The following KRT76 variants were observed in gnomAD, a reference collection of about 807,000 sequenced individuals.
KRT76 encodes keratin 76, also known as keratin, type II cytoskeletal 2 oral.
A neutral mutation model predicts 44.9 loss-of-function variants in KRT76; 47 were observed. The observed-to-expected ratio is 1.05, with a 90% CI of 0.83 to 1.33. The LOEUF (loss-of-function observed/expected upper bound fraction) is 1.33. Among genes scored for constraint, KRT76 ranks in the 40% most tolerant of loss-of-function variants. KRT76 has a pLI of 0.00. For synonymous variants in KRT76, 331 were observed against 294.1 expected (o/e 1.13, Z -1.28); for missense variants, 860 against 775.8 (o/e 1.11, Z -1.29).
chr12:52,768,621 C>T lies in KRT76; in HGVS notation c.*92G>A. On this transcript the variant is annotated 3_prime_UTR_variant, in exon 9 of 9. Coordinates refer to ENST00000332411, the MANE Select transcript of KRT76 (RefSeq NM_015848.4). ...GAACTTGAGGAAAAATGTGGTTGAC[C>T]CTTATGCATCTATTGATGCCAAGCA... 1 of 1,409,970 alleles carries T rather than the reference C, an allele frequency of 7.1e-7. No individual in the cohort carries two copies. Among genetic ancestry groups the T allele is most frequent in the African/African-American group, 1.4e-5 (1 of 70,120 alleles). The allele number at this position is 1,409,970 out of a possible 1,614,324, so 87.3% of individuals were successfully genotyped here.
chr12:52,777,313 G>T lies in KRT76; in HGVS notation c.-22C>A. On this transcript the variant is annotated 5_prime_UTR_variant, in exon 1 of 9. Transcript: ENST00000332411. The stretch of plus-strand genomic sequence containing the variant: ...TCATAGTGAGAGAGCTTGGAGGCAA[G>T]CTAGTGATCACTTAGCAAGAGCTGA... The T allele has an allele frequency of 6.2e-7, 1 of 1,613,310 alleles. No individual in the cohort carries two copies. The highest frequency in any genetic ancestry group is 8.5e-7 in the Non-Finnish European group (1 of 1,179,622).
chr12:52,775,613 G>A lies in KRT76; in HGVS notation c.601-11C>T. 1.2e-6 allele frequency: 2 copies of A among 1,611,464 alleles called. No individual in the cohort carries two copies. The highest frequency in any genetic ancestry group is 1.7e-6 in the Non-Finnish European group (2 of 1,178,838). Reference sequence around the variant, plus strand: ...TTCCAGGAACCGCACCTGCATGAAAGAGGGGAGAAAAGGAGTCAGCCCCTT... The same window carrying A: ...TTCCAGGAACCGCACCTGCATGAAAAAGGGGAGAAAAGGAGTCAGCCCCTT... On this transcript the variant is annotated splice_polypyrimidine_tract_variant and intron_variant, in intron 1 of 8. Transcript: ENST00000332411.
In KRT76 at chr12:52,771,132, G is replaced by A. The variant is rs918154586; in HGVS notation, c.1351C>T (p.Gln451Ter). Residue 451 changes from glutamine to a stop codon, truncating the protein, a stop_gained, in exon 7 of 9, where the codon CAG becomes TAG. Transcript: ENST00000332411. LOFTEE classifies it high-confidence loss of function. ...KDANAKLQDLQTALQKAKDDL... is the reference protein window; with the variant it reads ...KDANAKLQDL ...TCCTTAGCCTTCTGTAGGGCAGTCT[G>A]CAAGTCTTGGAGCTTGGCATTGGCG... The A allele has an allele frequency of 6.2e-6, 10 of 1,614,168 alleles. No individual in the cohort carries two copies. The highest frequency in any genetic ancestry group is 8.5e-6 in the Non-Finnish European group (10 of 1,180,038).
chr12:52,769,612 TTC>T (rs754181677), intron 7 of KRT76, 29 bp from the exon 8 acceptor site: 2 of 1,605,540 alleles, frequency 1.2e-6, no homozygotes, highest in African/African-American at 1.3e-5. Flanking sequence ...GGTGAATTCT[TTC>T]TGTTATGAGT....
In KRT76 at chr12:52,772,730, G is replaced by C. The variant is rs145218346; in HGVS notation, c.972+53C>G. 254 of 1,306,646 alleles carry C rather than the reference G, an allele frequency of 1.9e-4. No homozygotes were observed. The African/African-American group carries it at 3.2e-3, about 16-fold the overall frequency. The allele number at this position is 1,306,646 out of a possible 1,614,324, so 80.9% of individuals were successfully genotyped here. On this transcript the variant is annotated intron_variant, in intron 4 of 8. Transcript: ENST00000332411. The stretch of plus-strand genomic sequence containing the variant: ...CTGTTTGGCTGTCCCCTAAAGTTAT[G>C]CTTGGGAAGAATCAGACAGGAAGGT...
rs752856882 is a variant in KRT76, at chr12:52,776,821, T to G, written c.471A>C (p.Glu157Asp). ...GPGGFPGGIQEVIVNQSLLQP... is the reference protein window; with the variant it reads ...GPGGFPGGIQDVIVNQSLLQP... ...GCAGGAGACTCTGGTTTACAATCAC[T>G]TCCTGAATTCCCCCAGGAAAGCCCC... Residue 157 changes from glutamate to aspartate, a missense_variant, in exon 1 of 9, where the codon GAA becomes GAC. Transcript: ENST00000332411. 6.2e-7 allele frequency: 1 copy of G among 1,613,944 alleles called. No homozygotes were observed. The highest frequency in any genetic ancestry group is 1.7e-5 in the Admixed American group (1 of 60,002).
chr12:52,771,128 G>T lies in KRT76; in HGVS notation c.1355C>A (p.Thr452Asn), dbSNP rs995080722. 3.7e-6 allele frequency: 6 copies of T among 1,614,066 alleles called. No homozygotes were observed. The Admixed American group carries it at 6.7e-5, about 18-fold the overall frequency. The change falls in exon 7 of 9, where the codon ACT (threonine) becomes AAT (asparagine). Residue 452 changes from threonine to asparagine, a missense_variant. Thr to Asn is a moderately conservative substitution (Grantham distance 65). Coordinates refer to ENST00000332411, the MANE Select transcript of KRT76 (RefSeq NM_015848.4). ...GTCATCCTTAGCCTTCTGTAGGGCA[G>T]TCTGCAAGTCTTGGAGCTTGGCATT... ...DANAKLQDLQ[T>N]ALQKAKDDLA...
At chr12:52,776,637 C>T (rs1283592662) in intron 1 of KRT76, 55 bp downstream of exon 1, 11 of 1,612,128 alleles carry the variant, frequency 6.8e-6, no homozygotes, top group South Asian at 1.1e-5. Flanking sequence ...CATCTTTCTA[C>T]ACCGACCCCT....
At position 52,776,949 on chromosome 12, in the gene KRT76, C is replaced by T. The variant is rs778442055; in HGVS notation, c.343G>A (p.Gly115Ser). The T allele has an allele frequency of 2.5e-6, 4 of 1,613,902 alleles. No homozygotes were observed. In the South Asian group the frequency reaches 3.3e-5, roughly 13 times the overall value. ...CCAAAGCCACCAGCCCCTCCAAAACCACTACCTACTCCTCTGCCACCACCA... is the reference window on the plus strand; with the variant it reads ...CCAAAGCCACCAGCCCCTCCAAAACTACTACCTACTCCTCTGCCACCACCA... ...GFGGGRGVGS[G>S]FGGAGGFGGA... The change falls in exon 1 of 9, where the codon GGT (glycine) becomes AGT (serine). Residue 115 changes from glycine to serine, a missense_variant. Gly to Ser is a moderately conservative substitution (Grantham distance 56, BLOSUM62 0). Transcript: ENST00000332411.
chr12:52,775,727 A>T, intron 1 of KRT76, 125 bp from the exon 2 acceptor site: 1 of 717,944 alleles, frequency 1.4e-6, no homozygotes, highest in Non-Finnish European at 2.3e-6. Context: ...CTGTTTTTTA[A>T]TTTGGGAAGG....
At position 52,772,906 on chromosome 12, in the gene KRT76, A is replaced by G. The variant is rs189602650; in HGVS notation, c.877-28T>C. 3.1e-4 allele frequency: 485 copies of G among 1,540,716 alleles called. 7 individuals are homozygous for G. In the East Asian group the frequency reaches 5.6e-3, roughly 18 times the overall value. ...GCAGAGGAGGTCAGAAACCCAGAGAATGACCCTCTGTTCCCCTCCCACCCA... is the reference window on the plus strand; with the variant it reads ...GCAGAGGAGGTCAGAAACCCAGAGAGTGACCCTCTGTTCCCCTCCCACCCA... On this transcript the variant is annotated intron_variant, in intron 3 of 8. Coordinates refer to ENST00000332411, the MANE Select transcript of KRT76 (RefSeq NM_015848.4).
intron 7 of KRT76, among the ~76,000 whole-genome samples, chr12:52,770,612 T>C (rs1939164825): frequency 6.6e-6 from 1 of 152,166 alleles, no homozygotes; most frequent in Non-Finnish European, 1.5e-5. Context: ...GTTTCTCGGT[T>C]GCACTAGCCA....
intron 2 of KRT76, among the ~76,000 whole-genome samples, chr12:52,774,421 T>A (rs1939230121): frequency 6.6e-6 from 1 of 152,268 alleles, no homozygotes; most frequent in Admixed American, 6.5e-5. Context: ...TCTGTTTTCC[T>A]TCATTACAGT....
intron 3 of KRT76, 87 bp downstream of exon 3, chr12:52,773,495 G>C (rs1355399539): frequency 3.4e-6 from 3 of 891,670 alleles, no homozygotes; most frequent in Non-Finnish European, 5.4e-6. Context: ...TAAGGTCCCT[G>C]TGCCCCAGAA....
intron 7 of KRT76, among the ~76,000 whole-genome samples, chr12:52,770,761 G>A (rs938229168): frequency 6.6e-6 from 1 of 152,054 alleles, no homozygotes; most frequent in Non-Finnish European, 1.5e-5. Flanking sequence ...CTCATACATT[G>A]CACATAGTGA....
chr12:52,771,335 AT>A, intron 6 of KRT76, 116 bp from the exon 7 acceptor site: 1 of 983,694 alleles, frequency 1.0e-6, no homozygotes, highest in South Asian at 1.6e-5. Flanking sequence ...AGAAATCCCA[AT>A]GGAGCATGCT....
In KRT76 at chr12:52,769,541, C is replaced by T. The variant is rs1180957836; in HGVS notation, c.1519+8G>A. The T allele has an allele frequency of 3.7e-6, 6 of 1,612,988 alleles. No homozygotes were observed. The highest frequency in any genetic ancestry group is 4.2e-6 in the Non-Finnish European group (5 of 1,179,130). Reference sequence around the variant, plus strand: ...CCAGGGAGAGGGTTTTTTGAATGGGCTACTTACAAATGCACACGGCACTCT... The same window carrying T: ...CCAGGGAGAGGGTTTTTTGAATGGGTTACTTACAAATGCACACGGCACTCT... On this transcript the variant is annotated splice_region_variant and intron_variant, in intron 8 of 8. Coordinates refer to ENST00000332411, the MANE Select transcript of KRT76 (RefSeq NM_015848.4).
At position 52,772,859 on chromosome 12, in the gene KRT76, A is replaced by G. The variant is rs753788710; in HGVS notation, c.896T>C (p.Met299Thr). The change falls in exon 4 of 9, where the codon ATG becomes ACG. Residue 299 changes from methionine to threonine, a missense_variant. Transcript: ENST00000332411. Reference sequence around the variant, plus strand: ...TTTGGCCTGCAGCTCCACCTTGTTCATGAAAGCCGCATCCACATCCTGCAG... The same window carrying G: ...TTTGGCCTGCAGCTCCACCTTGTTCGTGAAAGCCGCATCCACATCCTGCAG... ...GLKKDVDAAF[M>T]NKVELQAKVD... is the part of the protein sequence containing the mutation. 1 of 1,614,080 alleles carries G rather than the reference A, an allele frequency of 6.2e-7. No individual in the cohort carries two copies. The highest frequency in any genetic ancestry group is 8.5e-7 in the Non-Finnish European group (1 of 1,179,952).
Position 52,771,147 on chromosome 12 carries a change from T to A in KRT76, c.1336A>T (p.Lys446Ter). 6.2e-7 allele frequency: 1 copy of A among 1,614,182 alleles called. No homozygotes were observed. Among genetic ancestry groups the A allele is most frequent in the Non-Finnish European group, 8.5e-7 (1 of 1,180,036 alleles). The change falls in exon 7 of 9, where the codon AAG (lysine) becomes TAG (stop). Residue 446 changes from lysine to a stop codon, truncating the protein, a stop_gained. Transcript: ENST00000332411. LOFTEE classifies it high-confidence loss of function. ...GEMALKDANA[K>*]LQDLQTALQK... The stretch of plus-strand genomic sequence containing the variant: ...AGGGCAGTCTGCAAGTCTTGGAGCT[T>A]GGCATTGGCGTCCTTGAGGGCCATC...
Sources: allele counts gnomAD v4.1 joint callset (sites outside exome capture counted in the v4.1 genomes callset), GRCh38; gene constraint gnomAD v4.1.1; transcripts MANE v1.5; gene names NCBI Gene and HGNC (gene_info 2026-07-23, HGNC 2026-07-21).